GPHB5: variants seen among roughly 807,000 people sequenced by gnomAD.
GPHB5 encodes glycoprotein hormone subunit beta 5, also known as glycoprotein hormone beta-5.
A neutral mutation model predicts 10.1 loss-of-function variants in GPHB5; 7 were observed. That is an observed-to-expected ratio of 0.69 (90% CI 0.39 to 1.30). The LOEUF (loss-of-function observed/expected upper bound fraction) is 1.30. Ranked by LOEUF, GPHB5 falls within the 50% of genes most tolerant of loss-of-function variation. The pLI is 0.01. For missense variants in GPHB5, 161 were observed against 169.8 expected (o/e 0.95, Z 0.29); for synonymous variants, 68 against 70.1 (o/e 0.97, Z 0.15).
intron 2 of GPHB5, among the ~76,000 whole-genome samples, chr14:63,314,119 T>C (rs939448338): frequency 6.6e-6 from 1 of 152,210 alleles, no homozygotes; most frequent in African/African-American, 2.4e-5. Flanking sequence ...ATTCATTTCC[T>C]TCCTTCACCT....
intron 2 of GPHB5, among the ~76,000 whole-genome samples, chr14:63,316,306 T>C (rs1368811250): frequency 6.6e-6 from 1 of 152,212 alleles, no homozygotes; most frequent in African/African-American, 2.4e-5. Flanking sequence ...AAGGCTATTT[T>C]TCCCAATGGC....
rs975968541 is a variant in GPHB5, at chr14:63,314,913, T to A, written c.205-1797A>T. Among the ~76,000 whole-genome samples the A allele has an allele frequency of 1.1e-4, 14 of 132,346 alleles. No homozygotes were observed. In the East Asian group the frequency reaches 2.8e-3, roughly 27 times the overall value. The allele number at this position is 132,346 out of a possible 152,430, so 86.8% of individuals were successfully genotyped here. A position where few individuals can be genotyped will look rare whatever the true frequency, so the allele number is the denominator to read the frequency against. On this transcript the variant is annotated intron_variant, in intron 2 of 2. Transcript: ENST00000621500. Reference sequence around the variant, plus strand: ...TTTTTTTTTTCTTTTTTCTTTTTTTTTTTTTTTTGAGATGGAGTCTCACTC... The same window carrying A: ...TTTTTTTTTTCTTTTTTCTTTTTTTATTTTTTTTGAGATGGAGTCTCACTC...
At chr14:63,317,012 G>A (rs1882782099) in intron 2 of GPHB5, among the ~76,000 whole-genome samples, 1 of 152,208 alleles carries the variant, frequency 6.6e-6, no homozygotes, top group South Asian at 2.1e-4. Context: ...TTGTTTGAGA[G>A]TGTTATCTCC....
intron 2 of GPHB5, 106 bp from the exon 3 acceptor site, chr14:63,313,222 T>C: frequency 9.3e-7 from 1 of 1,069,764 alleles, no homozygotes; most frequent in Non-Finnish European, 1.3e-6. Flanking sequence ...ATTCGTTGAT[T>C]TACTTGTTGC....
At chr14:63,316,323 C>T (rs1311463654) in intron 2 of GPHB5, among the ~76,000 whole-genome samples, 5 of 152,188 alleles carry the variant, frequency 3.3e-5, no homozygotes, top group Non-Finnish European at 5.9e-5. Context: ...TGGCAGTGTC[C>T]ACTCACAGTG....
chr14:63,314,710 C>G (rs1357096963), intron 2 of GPHB5, among the ~76,000 whole-genome samples: 1 of 152,054 alleles, frequency 6.6e-6, no homozygotes, highest in Non-Finnish European at 1.5e-5. Context: ...CCACGCCCAG[C>G]CAATCCATTG....
chr14:63,317,969 G>T (rs942407144), intron 1 of GPHB5, 119 bp from the exon 2 acceptor site: 2 of 869,224 alleles, frequency 2.3e-6, no homozygotes, highest in Non-Finnish European at 3.5e-6. Context: ...CAGGGAAAAT[G>T]AGCCCAGAAA....
At position 63,317,829 on chromosome 14, in the gene GPHB5, G is replaced by A. The variant is rs779769547; in HGVS notation, c.21C>T (p.Phe7=). The part of the protein sequence containing the change: MKLAFL[F]LGPMALLLLA... ...GAAGGAGGAGGGCCATGGGGCCAAG[G>A]AAGAGGAATGCCAGCTTCATGCTGC... is the stretch of plus-strand genomic sequence containing the variant. Residue 7 remains phenylalanine, a synonymous_variant, in exon 2 of 3, where the codon TTC becomes TTT. Transcript: ENST00000621500. The A allele has an allele frequency of 6.2e-7, 1 of 1,613,950 alleles. No homozygotes were observed. The highest frequency in any genetic ancestry group is 8.5e-7 in the Non-Finnish European group (1 of 1,179,904).
chr14:63,316,368 G>A (rs1185592649), intron 2 of GPHB5, among the ~76,000 whole-genome samples: 2 of 152,196 alleles, frequency 1.3e-5, no homozygotes, highest in Non-Finnish European at 2.9e-5. Flanking sequence ...CATTAGGCTG[G>A]AGGATCTACA....
intron 2 of GPHB5, among the ~76,000 whole-genome samples, chr14:63,317,180 C>T (rs1048581178): frequency 5.3e-5 from 8 of 152,218 alleles, no homozygotes; most frequent in East Asian, 1.9e-4. Context: ...CTGGGACCAA[C>T]GCTCACCCTT....
intron 2 of GPHB5, among the ~76,000 whole-genome samples, chr14:63,313,390 T>G (rs8006976): frequency 6.6e-6 from 1 of 152,032 alleles, no homozygotes; most frequent in African/African-American, 2.4e-5. Flanking sequence ...ACCTTCTAAC[T>G]GGTCTCCCCT....
Position 63,313,006 on chromosome 14 carries a change from G to C in GPHB5, c.315C>G (p.Pro105=), listed in dbSNP as rs1353036375. The part of the protein sequence containing the change: ...KLPNCAPGVD[P]FYTYPVAIRC... ...GGATGGCCACGGGATAGGTGTAGAA[G>C]GGGTCGACTCCCGGGGCACAGTTGG... The change falls in exon 3 of 3, where the codon CCC becomes CCG. Residue 105 remains proline (P), a synonymous_variant. Coordinates refer to ENST00000621500, the MANE Select transcript of GPHB5 (RefSeq NM_145171.4). 6 of 1,582,104 alleles carry C rather than the reference G, an allele frequency of 3.8e-6. No individual in the cohort carries two copies. The South Asian group carries it at 4.6e-5, about 12-fold the overall frequency.
intron 1 of GPHB5, among the ~76,000 whole-genome samples, chr14:63,318,266 A>G (rs1160230031): frequency 6.6e-6 from 1 of 152,234 alleles, no homozygotes; most frequent in African/African-American, 2.4e-5. Flanking sequence ...TTTGGGTGCC[A>G]TGTTACATAC....
chr14:63,314,308 A>G (rs1276218557), intron 2 of GPHB5, among the ~76,000 whole-genome samples: 2 of 81,042 alleles, frequency 2.5e-5, no homozygotes, highest in Non-Finnish European at 5.1e-5. Context: ...TGAAGACTCA[A>G]GTTTCCTCCT....
In GPHB5 at chr14:63,318,848, CT is replaced by C. The variant is rs1882817050; in HGVS notation, c.-27del. On this transcript the variant is annotated 5_prime_UTR_variant, in exon 1 of 3. Coordinates refer to ENST00000621500, the MANE Select transcript of GPHB5 (RefSeq NM_145171.4). ...CCTAATCTTGCAGGAGCCCACTCTT[CT>C]TTTAGAGCTGAAACTTGCACTAAGA... The C allele has an allele frequency of 6.6e-6, 1 of 152,190 alleles. No individual in the cohort carries two copies. Among genetic ancestry groups the C allele is most frequent in the South Asian group, 2.1e-4 (1 of 4,832 alleles). 9.4% of individuals were successfully genotyped at this position (152,190 alleles called of 1,614,324 possible).
At chr14:63,314,786 CT>C (rs1183691336) in intron 2 of GPHB5, among the ~76,000 whole-genome samples, 7 of 151,840 alleles carry the variant, frequency 4.6e-5, no homozygotes, top group African/African-American at 1.7e-4. Context: ...ATGACAGTAC[CT>C]TTGCTTTTTG....
chr14:63,312,887 G>C lies in GPHB5; in HGVS notation c.*41C>G, dbSNP rs1190951166. 9 of 1,521,320 alleles carry C rather than the reference G, an allele frequency of 5.9e-6. No individual in the cohort carries two copies. In the Admixed American group the frequency reaches 1.8e-4, roughly 31 times the overall value. 94.2% of individuals were successfully genotyped at this position (1,521,320 alleles called of 1,614,324 possible). A position where few individuals can be genotyped will look rare whatever the true frequency, so the allele number is the denominator to read the frequency against. On this transcript the variant is annotated 3_prime_UTR_variant, in exon 3 of 3. Transcript: ENST00000621500. ...GCATCCAGGAAGTATAACTGCATGT[G>C]CTGCTCACACAGGTGGGTCTGCAGA...
rs949130087 is a variant in GPHB5 at position 63,318,891 on chromosome 14, T to C, written c.-69A>G. 1.3e-5 allele frequency: 2 copies of C among 152,358 alleles called. No homozygotes were observed. Among genetic ancestry groups the C allele is most frequent in the South Asian group, 2.1e-4 (1 of 4,830 alleles). 9.4% of individuals were successfully genotyped at this position (152,358 alleles called of 1,614,324 possible). A position where few individuals can be genotyped will look rare whatever the true frequency, so the allele number is the denominator to read the frequency against. ...GCACTAAGATTTCAGGAAGTCACAA[T>C]GAATGGTAGAAGTTTGCCCTGGGTA... On this transcript the variant is annotated 5_prime_UTR_variant, in exon 1 of 3. Coordinates refer to ENST00000621500, the MANE Select transcript of GPHB5 (RefSeq NM_145171.4).
Position 63,316,434 on chromosome 14 carries a change from T to C in GPHB5, c.204+1212A>G, listed in dbSNP as rs147974606. On this transcript the variant is annotated intron_variant, in intron 2 of 2. Transcript: ENST00000621500. ...AACAAATGTGTATTGAATGCCTTGT[T>C]CATACACGACATCTTGACAAAAGCT... 2.4e-3 allele frequency among the ~76,000 whole-genome samples: 367 copies of C among 152,324 alleles called. 2 individuals carry two copies. The highest frequency in any genetic ancestry group is 2.2e-3 in the Non-Finnish European group (150 of 68,030).
Sources: allele counts gnomAD v4.1 joint callset (sites outside exome capture counted in the v4.1 genomes callset), GRCh38; gene constraint gnomAD v4.1.1; transcripts MANE v1.5; gene names NCBI Gene and HGNC (gene_info 2026-07-23, HGNC 2026-07-21).